Variants in ANO1 observed in about 807,000 individuals in gnomAD.
The protein encoded by ANO1 is anoctamin 1.
Under a neutral mutation model 124.0 loss-of-function variants are expected in ANO1, and 59 were observed. The ratio of observed to expected loss-of-function variants is 0.48; its 90% CI spans 0.39 to 0.59. The LOEUF is 0.59. Ranked by LOEUF, ANO1 falls within the 20% of genes least tolerant of loss-of-function variation. ANO1 has a pLI of 0.00. For synonymous variants in ANO1, 529 were observed against 532.0 expected (o/e 0.99, Z 0.08); for missense variants, 1,059 against 1,328.0 (o/e 0.80, Z 3.15).
the ANO1 span, among the ~76,000 whole-genome samples, chr11:69,967,342 G>A: frequency 6.6e-6 from 1 of 152,178 alleles, no homozygotes; most frequent in South Asian, 2.1e-4. Flanking sequence ...CGCCGGTATC[G>A]CACGTTAGCT....
chr11:70,177,101 TGTC>T (rs1468758213), intron 22 of ANO1, among the ~76,000 whole-genome samples: 1 of 152,194 alleles, frequency 6.6e-6, no homozygotes, highest in Non-Finnish European at 1.5e-5. Flanking sequence ...CATTTCCTGT[TGTC>T]TCTCTGGGCC....
chr11:70,107,915 C>T (rs7930875), intron 5 of ANO1, among the ~76,000 whole-genome samples: 18,452 of 152,266 alleles, frequency 0.12, 1,241 homozygotes, highest in South Asian at 0.22. Flanking sequence ...CACCCCTGAT[C>T]CCCCAGAGTC....
intron 11 of ANO1, among the ~76,000 whole-genome samples, chr11:70,139,448 C>G (rs191280135): frequency 6.6e-6 from 1 of 152,164 alleles, no homozygotes; most frequent in Non-Finnish European, 1.5e-5. Flanking sequence ...CTCAGCCTCC[C>G]GAGTAGCTGG....
At chr11:69,974,905 A>G in the ANO1 span, among the ~76,000 whole-genome samples, 10,787 of 131,288 alleles carry the variant, frequency 0.082, 709 homozygotes, top group Admixed American at 0.16. Flanking sequence ...AAAAAAAAAA[A>G]AAGAAGAGAT....
chr11:70,049,807 A>T (rs1555006120), intron 1 of ANO1, among the ~76,000 whole-genome samples: 1 of 151,682 alleles, frequency 6.6e-6, no homozygotes, highest in Non-Finnish European at 1.5e-5. Context: ...TGCAACCTCC[A>T]CCTCCCTGGT....
chr11:70,019,639 T>G (rs1555002426), intron 1 of ANO1, among the ~76,000 whole-genome samples: 2 of 152,182 alleles, frequency 1.3e-5, no homozygotes, highest in African/African-American at 4.8e-5. Context: ...GGTTTACACC[T>G]CCGCAATTGG....
intron 10 of ANO1, among the ~76,000 whole-genome samples, chr11:70,128,635 G>C (rs535355376): frequency 1.3e-5 from 2 of 152,360 alleles, no homozygotes; most frequent in Admixed American, 1.3e-4. Context: ...CGAAGCGGGA[G>C]GTGCGTGCTC....
At chr11:70,104,243 C>T in intron 4 of ANO1, 93 bp downstream of exon 4, 15 of 1,385,814 alleles carry the variant, frequency 1.1e-5, no homozygotes, top group Non-Finnish European at 1.4e-5. Flanking sequence ...TATCTGTCCC[C>T]CAAAGAAGAG....
intron 1 of ANO1, among the ~76,000 whole-genome samples, chr11:70,026,893 G>A (rs782624086): frequency 6.6e-6 from 1 of 152,126 alleles, no homozygotes; most frequent in Non-Finnish European, 1.5e-5. Context: ...CTTAACACCA[G>A]GTCCTCAAAC....
intron 22 of ANO1, among the ~76,000 whole-genome samples, chr11:70,178,032 A>G (rs1450162948): frequency 6.6e-6 from 1 of 152,222 alleles, no homozygotes; most frequent in Non-Finnish European, 1.5e-5. Flanking sequence ...CTGCTCCGGC[A>G]CCAGAATCTG....
chr11:70,172,759 A>G (rs1281378031), intron 22 of ANO1, among the ~76,000 whole-genome samples: 1 of 151,940 alleles, frequency 6.6e-6, no homozygotes. Context: ...CCAGCTACTC[A>G]GGAGGCTGAG....
intron 7 of ANO1, among the ~76,000 whole-genome samples, chr11:70,115,173 G>T (rs1016811306): frequency 2.6e-5 from 4 of 152,172 alleles, no homozygotes; most frequent in Non-Finnish European, 5.9e-5. Flanking sequence ...AAGACCACCT[G>T]CATTTGGTTG....
At chr11:70,055,198 TA>T (rs34389900) in intron 1 of ANO1, among the ~76,000 whole-genome samples, 1 of 152,142 alleles carries the variant, frequency 6.6e-6, no homozygotes, top group Non-Finnish European at 1.5e-5. Context: ...TTTGTGCACT[TA>T]AAAAATATGT....
chr11:70,007,132 T>C (rs556635173), intron 1 of ANO1, among the ~76,000 whole-genome samples: 1 of 152,286 alleles, frequency 6.6e-6, no homozygotes, highest in South Asian at 2.1e-4. Flanking sequence ...TACTTTCTGT[T>C]TCTGAGAGTT....
chr11:70,029,794 T>C (rs1856969896), intron 1 of ANO1, among the ~76,000 whole-genome samples: 1 of 152,178 alleles, frequency 6.6e-6, no homozygotes, highest in Non-Finnish European at 1.5e-5. Flanking sequence ...CCTTCCTGCC[T>C]CTTCGAGCTT....
At chr11:70,023,933 A>G (rs1187529930) in intron 1 of ANO1, among the ~76,000 whole-genome samples, 1 of 152,240 alleles carries the variant, frequency 6.6e-6, no homozygotes, top group Non-Finnish European at 1.5e-5. Context: ...CAGGTGGTTC[A>G]CTGCAACCTA....
intron 1 of ANO1, among the ~76,000 whole-genome samples, chr11:70,023,182 C>T (rs930577408): frequency 4.5e-4 from 69 of 152,186 alleles, no homozygotes; most frequent in East Asian, 1.5e-3. Flanking sequence ...GTTGATCTCC[C>T]GCTGCACAGT....
intron 11 of ANO1, among the ~76,000 whole-genome samples, chr11:70,140,536 A>G (rs75827005): frequency 1.3e-5 from 2 of 149,520 alleles, no homozygotes; most frequent in Admixed American, 6.7e-5. Context: ...TGTCTCAAGG[A>G]AAAAAAAAAG....
At chr11:70,030,889 T>G (rs1414170944) in intron 1 of ANO1, among the ~76,000 whole-genome samples, 1 of 152,184 alleles carries the variant, frequency 6.6e-6, no homozygotes, top group East Asian at 1.9e-4. Flanking sequence ...CCGTTTTAAT[T>G]GACAAACTGT....
Sources: allele counts gnomAD v4.1 joint callset (sites outside exome capture counted in the v4.1 genomes callset), GRCh38; gene constraint gnomAD v4.1.1; transcripts MANE v1.5; gene names NCBI Gene and HGNC (gene_info 2026-07-23, HGNC 2026-07-21).